The following AGBL4 variants were observed in gnomAD, a reference collection of about 807,000 sequenced individuals.
The protein encoded by AGBL4 is cytosolic carboxypeptidase 6.
In AGBL4, 58 loss-of-function variants were observed where a neutral mutation model predicts 66.4. The observed-to-expected ratio is 0.87, with a 90% CI of 0.71 to 1.09. AGBL4 has a LOEUF of 1.09. Ranked by LOEUF, AGBL4 falls within the 50% of genes least tolerant of loss-of-function variation. The pLI, the probability that AGBL4 is intolerant of heterozygous loss-of-function variation, is 0.00. For missense variants in AGBL4, 579 were observed against 631.0 expected, an observed-to-expected ratio of 0.92 and a Z score of 0.88; for synonymous variants, 234 against 222.9, an observed-to-expected ratio of 1.05 and a Z score of -0.44.
chr1:48,928,084 G>A (rs1426003348), intron 5 of AGBL4, among the ~76,000 whole-genome samples: 2 of 152,114 alleles, frequency 1.3e-5, no homozygotes, highest in Non-Finnish European at 2.9e-5. Context: ...AGTGCTAATG[G>A]CTTTAGGAAC....
intron 6 of AGBL4, among the ~76,000 whole-genome samples, chr1:48,729,002 G>C (rs1489026352): frequency 6.6e-6 from 1 of 152,164 alleles, no homozygotes; most frequent in South Asian, 2.1e-4. Flanking sequence ...TCCAGACAAG[G>C]TCTGGCTGGA....
At chr1:49,278,203 T>C (rs968289948) in intron 3 of AGBL4, among the ~76,000 whole-genome samples, 1 of 152,160 alleles carries the variant, frequency 6.6e-6, no homozygotes, top group Non-Finnish European at 1.5e-5. Flanking sequence ...TCCCTCTTTT[T>C]TTTTTCATTT....
At chr1:49,441,173 A>C (rs1646021391) in intron 3 of AGBL4, among the ~76,000 whole-genome samples, 1 of 152,188 alleles carries the variant, frequency 6.6e-6, no homozygotes, top group Non-Finnish European at 1.5e-5. Flanking sequence ...CGAGAGTGTG[A>C]CCCATAAAGA....
intron 3 of AGBL4, among the ~76,000 whole-genome samples, chr1:49,307,485 T>C (rs551157446): frequency 4.0e-4 from 61 of 152,300 alleles, no homozygotes; most frequent in African/African-American, 1.3e-3. Flanking sequence ...TCCAATCTAA[T>C]AGGTTTGATG....
At chr1:49,673,849 G>C (rs1401740169) in intron 3 of AGBL4, among the ~76,000 whole-genome samples, 2 of 151,792 alleles carry the variant, frequency 1.3e-5, no homozygotes, top group Non-Finnish European at 1.5e-5. Flanking sequence ...AAATGCTATG[G>C]GGATGCTGGA....
chr1:49,649,390 T>C (rs199813553), intron 3 of AGBL4, among the ~76,000 whole-genome samples: 1 of 152,202 alleles, frequency 6.6e-6, no homozygotes, highest in South Asian at 2.1e-4. Context: ...TGATATACAA[T>C]GATTCAGGTC....
At chr1:48,706,632 G>A (rs1193102001) in intron 6 of AGBL4, among the ~76,000 whole-genome samples, 1 of 152,104 alleles carries the variant, frequency 6.6e-6, no homozygotes, top group Non-Finnish European at 1.5e-5. Flanking sequence ...AAAGCAGTAG[G>A]AAAGAAGTAG....
chr1:49,284,374 G>A (rs1204669181), intron 3 of AGBL4, among the ~76,000 whole-genome samples: 13 of 151,856 alleles, frequency 8.6e-5, no homozygotes, highest in South Asian at 2.1e-4. Flanking sequence ...TGAAGGAAGC[G>A]CTAAACAGGG....
intron 3 of AGBL4, among the ~76,000 whole-genome samples, chr1:49,327,599 C>G (rs997883705): frequency 1.3e-5 from 2 of 152,196 alleles, no homozygotes; most frequent in African/African-American, 2.4e-5. Context: ...GGGAGTAAGG[C>G]TATGTCTTCA....
rs114890762 is a variant in AGBL4 at position 49,445,367 on chromosome 1, G to A, written c.283-199503C>T. Among the ~76,000 whole-genome samples, 529 of 152,100 alleles carry A rather than the reference G, an allele frequency of 3.5e-3. 5 individuals are homozygous for A. The highest frequency in any genetic ancestry group is 6.4e-3 in the Non-Finnish European group (438 of 67,974). ...CTGCCTGGGGATCCCTAAATCTCCTGTATCTGAATGTCTAAATCTCTTGCT... is the reference window on the plus strand; with the variant it reads ...CTGCCTGGGGATCCCTAAATCTCCTATATCTGAATGTCTAAATCTCTTGCT... On this transcript the variant is annotated intron_variant, in intron 3 of 13. Coordinates refer to ENST00000371839, the MANE Select transcript of AGBL4 (RefSeq NM_032785.4).
chr1:48,739,898 C>T (rs1453845095), intron 6 of AGBL4, among the ~76,000 whole-genome samples: 2 of 152,216 alleles, frequency 1.3e-5, no homozygotes, highest in Non-Finnish European at 2.9e-5. Context: ...TAAGTTCTAT[C>T]CTTTATGAAT....
At chr1:48,857,549 A>G (rs563386122) in intron 6 of AGBL4, among the ~76,000 whole-genome samples, 1 of 152,212 alleles carries the variant, frequency 6.6e-6, no homozygotes, top group African/African-American at 2.4e-5. Flanking sequence ...GTGAAACCCC[A>G]TCTCTGCTAA....
chr1:49,144,526 TACACACACAC>T (rs58163314), intron 4 of AGBL4, among the ~76,000 whole-genome samples: 2 of 146,100 alleles, frequency 1.4e-5, no homozygotes, highest in Non-Finnish European at 3.0e-5. Context: ...TTACCTAATC[TACACACACAC>T]ACACACACAC....
chr1:48,972,541 G>T (rs1300499545), intron 5 of AGBL4, among the ~76,000 whole-genome samples: 1 of 152,034 alleles, frequency 6.6e-6, no homozygotes, highest in Non-Finnish European at 1.5e-5. Context: ...CATTTTATAG[G>T]TGAAGAAAGG....
At chr1:48,730,010 C>T (rs563449132) in intron 6 of AGBL4, among the ~76,000 whole-genome samples, 15 of 152,250 alleles carry the variant, frequency 9.9e-5, no homozygotes, top group African/African-American at 3.4e-4. Flanking sequence ...CTTAAGTCCT[C>T]ACCCTTCACC....
intron 6 of AGBL4, among the ~76,000 whole-genome samples, chr1:48,782,173 C>T (rs781098360): frequency 3.3e-5 from 5 of 152,218 alleles, no homozygotes; most frequent in Admixed American, 6.5e-5. Context: ...CCTGCGAAGA[C>T]GCTGACTGTC....
intron 11 of AGBL4, among the ~76,000 whole-genome samples, chr1:48,541,895 GGTTT>G (rs1309189729): frequency 6.6e-6 from 1 of 152,066 alleles, no homozygotes; most frequent in African/African-American, 2.4e-5. Context: ...AGAACGTGCA[GGTTT>G]GTTACATAGG....
chr1:48,682,972 A>C (rs6694056), intron 6 of AGBL4, among the ~76,000 whole-genome samples: 20,289 of 152,166 alleles, frequency 0.13, 4,370 homozygotes, highest in African/African-American at 0.45. Flanking sequence ...GGCATCCAGG[A>C]AAAGCAGGAT....
At chr1:49,607,549 A>G (rs1314454869) in intron 3 of AGBL4, among the ~76,000 whole-genome samples, 7 of 152,068 alleles carry the variant, frequency 4.6e-5, no homozygotes, top group African/African-American at 1.7e-4. Context: ...TGCCTCTTCT[A>G]GGAGGCATTA....
Sources: allele counts gnomAD v4.1 joint callset (sites outside exome capture counted in the v4.1 genomes callset), GRCh38; gene constraint gnomAD v4.1.1; transcripts MANE v1.5; gene names NCBI Gene and HGNC (gene_info 2026-07-23, HGNC 2026-07-21).